The following CCNT1 variants were observed in gnomAD, a reference collection of about 807,000 sequenced individuals.
CCNT1 encodes the protein cyclin T1.
CCNT1 carries 18 observed loss-of-function variants against 67.3 expected under a neutral mutation model. That is an observed-to-expected ratio of 0.27 (90% CI 0.18 to 0.40). The LOEUF (loss-of-function observed/expected upper bound fraction) is 0.40. Ranked by LOEUF, CCNT1 falls within the 10% of genes least tolerant of loss-of-function variation. The pLI, the probability that CCNT1 is intolerant of heterozygous loss-of-function variation, is 1.00. For missense variants in CCNT1, 744 were observed against 884.9 expected (o/e 0.84, Z 2.02); for synonymous variants, 333 against 310.3 (o/e 1.07, Z -0.77).
At chr12:48,700,440 G>A (rs115249032) in intron 4 of CCNT1, among the ~76,000 whole-genome samples, 2,740 of 151,340 alleles carry the variant, frequency 0.018, 87 homozygotes, top group African/African-American at 0.062. Context: ...TAACTTTGAC[G>A]TACAACTCAT....
intron 3 of CCNT1, among the ~76,000 whole-genome samples, chr12:48,702,938 T>C (rs1940294928): frequency 6.6e-6 from 1 of 151,922 alleles, no homozygotes; most frequent in Non-Finnish European, 1.5e-5. Context: ...CTGGGTAACA[T>C]GGTAAGACCC....
At chr12:48,711,248 C>T (rs571459330) in intron 2 of CCNT1, among the ~76,000 whole-genome samples, 122 of 151,712 alleles carry the variant, frequency 8.0e-4, no homozygotes, top group African/African-American at 2.7e-3. Flanking sequence ...GGTGTGGTGG[C>T]GGGTGCCTGT....
chr12:48,694,433 A>C lies in CCNT1; in HGVS notation c.781T>G (p.Cys261Gly), dbSNP rs1211312549. 2 of 1,609,704 alleles carry C rather than the reference A, an allele frequency of 1.2e-6. No homozygotes were observed. Among genetic ancestry groups the C allele is most frequent in the South Asian group, 2.2e-5 (2 of 90,904 alleles). Residue 261 changes from cysteine to glycine, a missense_variant, in exon 9 of 9, where the codon TGC becomes GGC. Around this residue, in one of 3 missense-constraint regions of CCNT1, gnomAD observed 564 missense variants for 574.2 expected, o/e 0.98. Transcript: ENST00000261900. ...GCTTTTGTTTTCTTGGCAGCCTCGC[A>C]TGCCTGCAATGAAGCAAATAGCATC... is the stretch of plus-strand genomic sequence containing the variant. ...RLKRIWNWRACEAAKKTKADD... is the reference protein window; with the variant it reads ...RLKRIWNWRAGEAAKKTKADD...
chr12:48,711,146 A>G (rs1292962480), intron 2 of CCNT1, among the ~76,000 whole-genome samples: 1 of 151,994 alleles, frequency 6.6e-6, no homozygotes, highest in Non-Finnish European at 1.5e-5. Flanking sequence ...CTCTGGAAGG[A>G]TGAGGCGGGC....
chr12:48,699,844 A>G lies in CCNT1; in HGVS notation c.434-4T>C. 1.9e-6 allele frequency: 3 copies of G among 1,575,090 alleles called. No individual in the cohort carries two copies. The highest frequency in any genetic ancestry group is 1.7e-6 in the Non-Finnish European group (2 of 1,149,506). ...TGATCAATTGTTAGTTCAAAGCCTT[A>G]AAAGAAAAAGTAATGGATTAAAAAA... On this transcript the variant is annotated splice_polypyrimidine_tract_variant and splice_region_variant and intron_variant, in intron 4 of 8. Coordinates refer to ENST00000261900, the MANE Select transcript of CCNT1 (RefSeq NM_001240.4).
rs559929015 is a variant in CCNT1 at position 48,695,745 on chromosome 12, G to A, written c.777+14C>T. The A allele has an allele frequency of 4.1e-4, 643 of 1,577,754 alleles. 2 individuals are homozygous for A. The South Asian group carries it at 6.8e-3, about 17-fold the overall frequency. On this transcript the variant is annotated intron_variant, in intron 8 of 8. Coordinates refer to ENST00000261900, the MANE Select transcript of CCNT1 (RefSeq NM_001240.4). ...ATTGATTTTGTTCCACAAGCTGACAGTAATGATTCTTACCCTCCAATTCCA... is the reference window on the plus strand; with the variant it reads ...ATTGATTTTGTTCCACAAGCTGACAATAATGATTCTTACCCTCCAATTCCA...
chr12:48,705,704 G>A, intron 3 of CCNT1, 64 bp downstream of exon 3: 2 of 1,328,118 alleles, frequency 1.5e-6, no homozygotes, highest in Middle Eastern at 1.8e-4. Flanking sequence ...GGCATGCTTG[G>A]GAGTAGGGAA....
intron 2 of CCNT1, among the ~76,000 whole-genome samples, chr12:48,709,895 A>AT (rs202022157): frequency 2.2e-3 from 319 of 142,694 alleles, no homozygotes; most frequent in Middle Eastern, 7.4e-3. Context: ...GGGTTTCTTC[A>AT]TTTTTTTTTT....
At position 48,689,406 on chromosome 12, in the gene CCNT1, C is replaced by A. The variant is rs1012579311; in HGVS notation, c.*3627G>T. 3.9e-5 allele frequency: 6 copies of A among 152,132 alleles called. No homozygotes were observed. Among genetic ancestry groups the A allele is most frequent in the African/African-American group, 7.2e-5 (3 of 41,424 alleles). 9.4% of individuals were successfully genotyped at this position (152,132 alleles called of 1,614,324 possible). A position where few individuals can be genotyped will look rare whatever the true frequency, so the allele number is the denominator to read the frequency against. Reference sequence around the variant, plus strand: ...CAAAATAAAACTTGACAGTGTGATACAACATGAAAATCTCCTAAACCATCA... The same window carrying A: ...CAAAATAAAACTTGACAGTGTGATAAAACATGAAAATCTCCTAAACCATCA... On this transcript the variant is annotated 3_prime_UTR_variant, in exon 9 of 9. Transcript: ENST00000261900.
intron 2 of CCNT1, among the ~76,000 whole-genome samples, chr12:48,711,073 T>TA (rs758713119): frequency 8.7e-5 from 13 of 149,678 alleles, no homozygotes; most frequent in Non-Finnish European, 1.8e-4. Context: ...CTCAAAAAAA[T>TA]AAAAAAAGAT....
At chr12:48,708,268 C>T (rs557192135) in intron 2 of CCNT1, among the ~76,000 whole-genome samples, 4 of 150,498 alleles carry the variant, frequency 2.7e-5, no homozygotes, top group Non-Finnish European at 5.9e-5. Flanking sequence ...TAGAGTAGGC[C>T]GGGCGTGGTG....
chr12:48,701,637 C>T (rs1185936184), intron 3 of CCNT1, among the ~76,000 whole-genome samples: 3 of 150,054 alleles, frequency 2.0e-5, no homozygotes, highest in African/African-American at 4.9e-5. Context: ...GTTGGAGTTT[C>T]GCTCTTGTTG....
rs750308680 is a variant in CCNT1 at position 48,692,760 on chromosome 12, T to C, written c.*273A>G. 9 of 314,776 alleles carry C rather than the reference T, an allele frequency of 2.9e-5. No homozygotes were observed. Among genetic ancestry groups the C allele is most frequent in the African/African-American group, 6.3e-5 (3 of 47,424 alleles). 19.5% of individuals were successfully genotyped at this position (314,776 alleles called of 1,614,324 possible). Reference sequence around the variant, plus strand: ...AACTCCAATCAACCTAATTAGATGGTGGAGAGGCCAAGAATTCAGAATGTG... The same window carrying C: ...AACTCCAATCAACCTAATTAGATGGCGGAGAGGCCAAGAATTCAGAATGTG... On this transcript the variant is annotated 3_prime_UTR_variant, in exon 9 of 9. Transcript: ENST00000261900.
intron 3 of CCNT1, 111 bp from the exon 4 acceptor site, chr12:48,701,184 G>T: frequency 1.3e-5 from 5 of 373,400 alleles, no homozygotes; most frequent in East Asian, 5.0e-5. Flanking sequence ...CATGAGTGGA[G>T]TTAGGAGGTA....
intron 2 of CCNT1, among the ~76,000 whole-genome samples, chr12:48,712,074 G>A (rs571987205): frequency 8.5e-5 from 13 of 152,080 alleles, no homozygotes; most frequent in Middle Eastern, 3.4e-3. Flanking sequence ...GATTACAGGC[G>A]TTGAGCCACG....
At chr12:48,701,957 C>A (rs1280574632) in intron 3 of CCNT1, among the ~76,000 whole-genome samples, 2 of 150,644 alleles carry the variant, frequency 1.3e-5, no homozygotes, top group Non-Finnish European at 1.5e-5. Context: ...AGTGCAGTGG[C>A]GCGACCTCGC....
chr12:48,708,455 G>C (rs1940398869), intron 2 of CCNT1, among the ~76,000 whole-genome samples: 1 of 151,984 alleles, frequency 6.6e-6, no homozygotes, highest in African/African-American at 2.4e-5. Flanking sequence ...GCTGAGGCAG[G>C]AGAATCGCTT....
rs376740356 is a variant in CCNT1, at chr12:48,693,801, T to C, written c.1413A>G (p.Lys471=). 4.9e-4 allele frequency: 785 copies of C among 1,613,966 alleles called. 2 individuals are homozygous for C. Among genetic ancestry groups the C allele is most frequent in the Non-Finnish European group, 6.4e-4 (757 of 1,179,980 alleles). The change falls in exon 9 of 9, where the codon AAA becomes AAG. Residue 471 remains lysine, a synonymous_variant. Transcript: ENST00000261900. ...TCTCCTCTGGTTTTGAAGACGCAGC[T>C]TTATCTCCACCTGCCACTGGGATTC... ...KMRIPVAGGD[K]AASSKPEEIK... is the part of the protein sequence containing the mutation.
At chr12:48,700,906 A>G (rs1940255058) in intron 4 of CCNT1, 107 bp downstream of exon 4, 3 of 630,412 alleles carry the variant, frequency 4.8e-6, no homozygotes, top group African/African-American at 1.9e-5. Context: ...ACAGAGGGAC[A>G]CTACAAAAAC....
Sources: gnomAD v4.1 joint callset for allele counts (sites outside exome capture counted in the v4.1 genomes callset) on GRCh38, gnomAD v4.1.1 for gene constraint, gnomAD v4.1.1 regional missense constraint, MANE v1.5 for transcripts, NCBI Gene and HGNC (gene_info 2026-07-23, HGNC 2026-07-21) for gene names.